The following ADGRL2 variants were observed in gnomAD, a reference collection of about 807,000 sequenced individuals.
ADGRL2 encodes calcium-independent alpha-latrotoxin receptor 2.
Under a neutral mutation model 157.4 loss-of-function variants are expected in ADGRL2, and 44 were observed. The observed-to-expected ratio is 0.28, with a 90% CI of 0.22 to 0.36. ADGRL2 has a LOEUF of 0.36. ADGRL2 is among the 10% of genes least tolerant of loss of function. ADGRL2 has a pLI of 1.00. For synonymous variants in ADGRL2, 585 were observed against 624.7 expected, an observed-to-expected ratio of 0.94 and a Z score of 0.95; for missense variants, 1,510 against 1,768.9, an observed-to-expected ratio of 0.85 and a Z score of 2.63.
At chr1:81,468,837 T>C (rs1456351435) in intron 2 of ADGRL2, among the ~76,000 whole-genome samples, 1 of 152,198 alleles carries the variant, frequency 6.6e-6, no homozygotes, top group East Asian at 1.9e-4. Flanking sequence ...GTGCTCAGTA[T>C]GTTAATATAC....
At chr1:81,984,838 T>C in intron 20 of ADGRL2, 127 bp downstream of exon 20, 1 of 1,104,288 alleles carries the variant, frequency 9.1e-7, no homozygotes, top group Admixed American at 2.5e-5. Context: ...CTTGCTTTTT[T>C]AGTATTTTGG....
chr1:81,677,595 G>T (rs1485063340), intron 3 of ADGRL2, among the ~76,000 whole-genome samples: 2 of 151,992 alleles, frequency 1.3e-5, no homozygotes, highest in African/African-American at 4.8e-5. Flanking sequence ...AGTTATCAAG[G>T]CCTGTCATTT....
At chr1:81,501,675 C>A in intron 2 of ADGRL2, 1 of 1,523,940 alleles carries the variant, frequency 6.6e-7, no homozygotes, top group Non-Finnish European at 8.9e-7. Flanking sequence ...ACCCGAAAAC[C>A]CGGAGTGCCC....
intron 3 of ADGRL2, among the ~76,000 whole-genome samples, chr1:81,674,326 T>C (rs969439151): frequency 3.9e-5 from 6 of 152,276 alleles, no homozygotes; most frequent in Admixed American, 2.0e-4. Flanking sequence ...GCCTGCCTTA[T>C]TGGTCCTCCT....
chr1:81,979,993 A>G (rs1323301108), intron 18 of ADGRL2, 33 bp downstream of exon 18: 1 of 1,166,700 alleles, frequency 8.6e-7, no homozygotes. Context: ...TTAATACTTG[A>G]CAAACTAAGT....
At chr1:81,773,632 A>G (rs1181566488) in intron 2 of ADGRL2, among the ~76,000 whole-genome samples, 3 of 152,226 alleles carry the variant, frequency 2.0e-5, no homozygotes, top group Admixed American at 1.3e-4. Context: ...ATTATTTTCC[A>G]ATTACTTTCT....
intron 3 of ADGRL2, among the ~76,000 whole-genome samples, chr1:81,913,815 A>T (rs182005642): frequency 6.6e-6 from 1 of 152,268 alleles, no homozygotes; most frequent in Admixed American, 6.5e-5. Flanking sequence ...GAAACCTCAA[A>T]TCGCCTGTAC....
intron 2 of ADGRL2, among the ~76,000 whole-genome samples, chr1:81,875,544 T>C (rs912579181): frequency 2.5e-4 from 38 of 152,310 alleles, no homozygotes; most frequent in African/African-American, 8.7e-4. Context: ...TATTTGAATC[T>C]GTTTAATATT....
At chr1:81,849,823 C>T (rs996655903) in intron 2 of ADGRL2, among the ~76,000 whole-genome samples, 24 of 151,728 alleles carry the variant, frequency 1.6e-4, no homozygotes, top group Non-Finnish European at 2.2e-4. Flanking sequence ...TTATAATCTT[C>T]GATACACAGT....
intron 2 of ADGRL2, among the ~76,000 whole-genome samples, chr1:81,843,154 A>G (rs1164498130): frequency 6.6e-6 from 1 of 152,080 alleles, no homozygotes; most frequent in Non-Finnish European, 1.5e-5. Context: ...ATTTTTTGAG[A>G]TGGTGTCTTG....
intron 2 of ADGRL2, among the ~76,000 whole-genome samples, chr1:81,448,861 T>A (rs1228582166): frequency 1.3e-5 from 2 of 152,182 alleles, no homozygotes; most frequent in Non-Finnish European, 2.9e-5. Context: ...CTAATTTTAC[T>A]AGGGGGATGG....
intron 10 of ADGRL2, 57 bp downstream of exon 10, chr1:81,953,082 T>C: frequency 7.2e-7 from 1 of 1,396,534 alleles, no homozygotes; most frequent in Admixed American, 1.7e-5. Context: ...CTGCCACGCT[T>C]TATCATCTTG....
At chr1:81,383,964 A>AAAAGT (rs2076390960) in intron 1 of ADGRL2, among the ~76,000 whole-genome samples, 1 of 136,484 alleles carries the variant, frequency 7.3e-6, no homozygotes, top group African/African-American at 3.0e-5. Context: ...AAAAAAAAAA[A>AAAAGT]AAAGAAAAGA....
At chr1:81,686,849 A>C (rs2083237997) in intron 3 of ADGRL2, among the ~76,000 whole-genome samples, 1 of 152,110 alleles carries the variant, frequency 6.6e-6, no homozygotes, top group Admixed American at 6.5e-5. Flanking sequence ...ATTGTCATTC[A>C]GTTTGAATAA....
intron 2 of ADGRL2, among the ~76,000 whole-genome samples, chr1:81,860,712 G>T (rs2093361133): frequency 6.6e-6 from 1 of 152,084 alleles, no homozygotes; most frequent in East Asian, 1.9e-4. Flanking sequence ...TCTGGTTCAA[G>T]CTCCCTTATC....
At chr1:81,826,544 C>G (rs912840311) in intron 1 of ADGRL2, among the ~76,000 whole-genome samples, 1 of 152,116 alleles carries the variant, frequency 6.6e-6, no homozygotes, top group Non-Finnish European at 1.5e-5. Flanking sequence ...AAAGATTTAG[C>G]TATAATTTGG....
At chr1:81,713,491 A>G (rs76923821) in intron 1 of ADGRL2, among the ~76,000 whole-genome samples, 1,673 of 152,332 alleles carry the variant, frequency 0.011, 16 homozygotes, top group South Asian at 0.021. Flanking sequence ...GGCCAATGAT[A>G]GTGATGATGA....
At chr1:81,944,945 T>C (rs1261299935) in intron 6 of ADGRL2, among the ~76,000 whole-genome samples, 1 of 152,066 alleles carries the variant, frequency 6.6e-6, no homozygotes, top group Non-Finnish European at 1.5e-5. Context: ...TGAGTCATTG[T>C]AGAATACCAA....
intron 13 of ADGRL2, among the ~76,000 whole-genome samples, chr1:81,967,646 G>A (rs1386233089): frequency 7.2e-5 from 11 of 152,066 alleles, no homozygotes; most frequent in Admixed American, 6.6e-4. Flanking sequence ...AACCAAAAAT[G>A]GGCCCAAAAT....
Sources: gnomAD v4.1 joint callset for allele counts (sites outside exome capture counted in the v4.1 genomes callset) on GRCh38, gnomAD v4.1.1 for gene constraint, MANE v1.5 for transcripts, NCBI Gene and HGNC (gene_info 2026-07-23, HGNC 2026-07-21) for gene names.